Variants in CBLB observed in about 807,000 individuals in gnomAD.
CBLB encodes Cbl proto-oncogene B.
A neutral mutation model predicts 104.9 loss-of-function variants in CBLB; 31 were observed. The ratio of observed to expected loss-of-function variants is 0.30; its 90% CI spans 0.22 to 0.40. The LOEUF (loss-of-function observed/expected upper bound fraction) is 0.40. CBLB is among the 10% of genes least tolerant of loss of function. The pLI, the probability that CBLB is intolerant of heterozygous loss-of-function variation, is 1.00. For synonymous variants in CBLB, 440 were observed against 422.6 expected (o/e 1.04, Z -0.51); for missense variants, 1,062 against 1,214.6 (o/e 0.87, Z 1.87).
At chr3:105,728,679 CAG>C (rs1325519903) in intron 9 of CBLB, among the ~76,000 whole-genome samples, 1 of 152,106 alleles carries the variant, frequency 6.6e-6, no homozygotes, top group African/African-American at 2.4e-5. Context: ...ATGTTGCACA[CAG>C]AGTAGTATTA....
intron 3 of CBLB, among the ~76,000 whole-genome samples, chr3:105,816,372 A>C (rs2085060803): frequency 2.0e-5 from 3 of 152,164 alleles, no homozygotes; most frequent in African/African-American, 7.2e-5. Context: ...AATTTTTTCT[A>C]AACCATTTAG....
rs2082636539 is a variant in CBLB at position 105,799,792 on chromosome 3, C to T, written c.420-23250G>A. 2.0e-5 allele frequency among the ~76,000 whole-genome samples: 3 copies of T among 152,088 alleles called. No homozygotes were observed. The South Asian group carries it at 6.2e-4, about 32-fold the overall frequency. On this transcript the variant is annotated intron_variant, in intron 3 of 18. Coordinates refer to ENST00000394030, the MANE Select transcript of CBLB (RefSeq NM_170662.5). Reference sequence around the variant, plus strand: ...AAATTTCAGTTGGGTTATTTATTTGCCTGATTTGCTTCTAGAAAATGTGGA... The same window carrying T: ...AAATTTCAGTTGGGTTATTTATTTGTCTGATTTGCTTCTAGAAAATGTGGA...
chr3:105,699,906 G>A (rs1439593920), intron 12 of CBLB, among the ~76,000 whole-genome samples: 2 of 151,958 alleles, frequency 1.3e-5, no homozygotes, highest in African/African-American at 4.8e-5. Context: ...ATTAACTGGA[G>A]GATATTAGCA....
chr3:105,836,430 A>C (rs181928594), intron 3 of CBLB, among the ~76,000 whole-genome samples: 1 of 152,316 alleles, frequency 6.6e-6, no homozygotes, highest in Admixed American at 6.5e-5. Flanking sequence ...TATCCAGATA[A>C]ATTTTAAAAA....
At position 105,703,061 on chromosome 3, in the gene CBLB, G is replaced by A. The variant is rs78938155; in HGVS notation, c.1594-602C>T. ...TACTTCAATTTTATGAATTCTTACA[G>A]TATTTTAAAAGATCAGGCTGATTCT... On this transcript the variant is annotated intron_variant, in intron 11 of 18. Coordinates refer to ENST00000394030, the MANE Select transcript of CBLB (RefSeq NM_170662.5). Among the ~76,000 whole-genome samples the A allele has an allele frequency of 6.2e-3, 939 of 152,244 alleles. 31 individuals carry two copies. Among genetic ancestry groups the A allele is most frequent in the East Asian group, 0.051 (262 of 5,188 alleles).
intron 3 of CBLB, among the ~76,000 whole-genome samples, chr3:105,847,635 G>C (rs1199160037): frequency 6.6e-6 from 1 of 150,966 alleles, no homozygotes; most frequent in Non-Finnish European, 1.5e-5. Context: ...TGGTTGTCTA[G>C]CAGTGTGTAG....
At chr3:105,700,992 T>C (rs1233328590) in intron 12 of CBLB, among the ~76,000 whole-genome samples, 2 of 152,196 alleles carry the variant, frequency 1.3e-5, no homozygotes, top group Non-Finnish European at 2.9e-5. Flanking sequence ...AGAGATGAGA[T>C]CACTTTAATA....
At chr3:105,764,977 C>G (rs2078060602) in intron 4 of CBLB, among the ~76,000 whole-genome samples, 1 of 152,182 alleles carries the variant, frequency 6.6e-6, no homozygotes, top group South Asian at 2.1e-4. Context: ...ATTCAGGAAG[C>G]TTCAGAAGTA....
chr3:105,819,870 C>T (rs572436918), intron 3 of CBLB, among the ~76,000 whole-genome samples: 3 of 152,176 alleles, frequency 2.0e-5, no homozygotes, highest in African/African-American at 7.2e-5. Flanking sequence ...GCAGCAGTCC[C>T]CAACTATTTT....
At chr3:105,835,588 A>G (rs2088352577) in intron 3 of CBLB, among the ~76,000 whole-genome samples, 1 of 152,248 alleles carries the variant, frequency 6.6e-6, no homozygotes, top group Non-Finnish European at 1.5e-5. Context: ...TAAAAATACA[A>G]CCTACTAGCT....
At chr3:105,861,373 G>A (rs2092072593) in intron 2 of CBLB, among the ~76,000 whole-genome samples, 1 of 151,982 alleles carries the variant, frequency 6.6e-6, no homozygotes, top group Non-Finnish European at 1.5e-5. Context: ...TAAAAACATG[G>A]TTTAAACATT....
At chr3:105,780,653 G>GTTGTT (rs1553788919) in intron 3 of CBLB, among the ~76,000 whole-genome samples, 1 of 84,688 alleles carries the variant, frequency 1.2e-5, no homozygotes. Flanking sequence ...TAAAAGTTTT[G>GTTGTT]TTTTTTGTTT....
intron 1 of CBLB, chr3:105,868,495 G>A (rs1414340693): frequency 2.9e-6 from 1 of 339,230 alleles, no homozygotes; most frequent in African/African-American, 2.1e-5. Context: ...CGGCGCCTGG[G>A]TGGACGCGCC....
At chr3:105,660,000 G>A (rs546332485) in intron 18 of CBLB, among the ~76,000 whole-genome samples, 1 of 152,090 alleles carries the variant, frequency 6.6e-6, no homozygotes, top group African/African-American at 2.4e-5. Flanking sequence ...TAGTCCCTTG[G>A]TGATAATACA....
At position 105,687,439 on chromosome 3, in the gene CBLB, G is replaced by A. The variant is rs562370236; in HGVS notation, c.2055-1973C>T. 9.9e-5 allele frequency among the ~76,000 whole-genome samples: 15 copies of A among 152,098 alleles called. 1 individual carries two copies. In the South Asian group the frequency reaches 2.7e-3, roughly 27 times the overall value. On this transcript the variant is annotated intron_variant, in intron 13 of 18. Coordinates refer to ENST00000394030, the MANE Select transcript of CBLB (RefSeq NM_170662.5). ...CACTCTTTTGCTTTGCCACAAATCA[G>A]TAGATTATTTCAGAATGAAGTGAAA... is the stretch of plus-strand genomic sequence containing the variant.
intron 8 of CBLB, among the ~76,000 whole-genome samples, chr3:105,735,991 A>G (rs2074894762): frequency 6.6e-6 from 1 of 152,146 alleles, no homozygotes; most frequent in African/African-American, 2.4e-5. Context: ...TACACGTACA[A>G]TATGTACATA....
At chr3:105,761,517 T>G (rs2077629705) in intron 4 of CBLB, among the ~76,000 whole-genome samples, 1 of 152,140 alleles carries the variant, frequency 6.6e-6, no homozygotes. Context: ...ATCTGAGGGT[T>G]TTATAGGGGT....
rs73854353 is a variant in CBLB at position 105,659,755 on chromosome 3, C to G, written c.2690-526G>C. On this transcript the variant is annotated intron_variant, in intron 18 of 18. Coordinates refer to ENST00000394030, the MANE Select transcript of CBLB (RefSeq NM_170662.5). ...CAGCAGAACTGCTCTAAAACAGATGCTCTGTAGCATTTTCCTAGCTGATTT... is the reference window on the plus strand; with the variant it reads ...CAGCAGAACTGCTCTAAAACAGATGGTCTGTAGCATTTTCCTAGCTGATTT... Among the ~76,000 whole-genome samples the G allele has an allele frequency of 4.0e-3, 613 of 152,142 alleles. 4 individuals are homozygous for G. Among genetic ancestry groups the G allele is most frequent in the African/African-American group, 0.014 (580 of 41,496 alleles).
Position 105,844,449 on chromosome 3 carries a change from T to C in CBLB, c.419+8965A>G, listed in dbSNP as rs2089984230. Among the ~76,000 whole-genome samples, 3 of 152,220 alleles carry C rather than the reference T, an allele frequency of 2.0e-5. 1 individual carries two copies. In the South Asian group the frequency reaches 6.2e-4, roughly 32 times the overall value. On this transcript the variant is annotated intron_variant, in intron 3 of 18. Transcript: ENST00000394030. The stretch of plus-strand genomic sequence containing the variant: ...AGAACATCTAAATTATCTTTCAGTT[T>C]AATTTGTTCTTCAATGTTTCCACTG...
Sources: allele counts gnomAD v4.1 joint callset (sites outside exome capture counted in the v4.1 genomes callset), GRCh38; gene constraint gnomAD v4.1.1; transcripts MANE v1.5; gene names NCBI Gene and HGNC (gene_info 2026-07-23, HGNC 2026-07-21).